The following FLI1 variants were observed in gnomAD, a reference collection of about 807,000 sequenced individuals.
FLI1 encodes Fli-1 proto-oncogene, ETS transcription factor, also known as Friend leukemia integration 1 transcription factor.
FLI1 carries 13 observed loss-of-function variants against 53.1 expected under a neutral mutation model. The observed-to-expected ratio is 0.24, with a 90% confidence interval of 0.16 to 0.39. The LOEUF is 0.39. Ranked by LOEUF, FLI1 falls within the 10% of genes least tolerant of loss-of-function variation. The pLI is 1.00. For synonymous variants in FLI1, 244 were observed against 236.7 expected (o/e 1.03, Z -0.28); for missense variants, 424 against 600.5 (o/e 0.71, Z 3.07).
chr11:128,788,280 G>A (rs1942160332), intron 5 of FLI1, among the ~76,000 whole-genome samples: 1 of 151,384 alleles, frequency 6.6e-6, no homozygotes, highest in Non-Finnish European at 1.5e-5. Flanking sequence ...GACCAGCTTG[G>A]CCAACATGGT....
At chr11:128,772,079 TAC>T (rs1476863217) in intron 3 of FLI1, among the ~76,000 whole-genome samples, 1 of 86,440 alleles carries the variant, frequency 1.2e-5, no homozygotes, top group Non-Finnish European at 2.5e-5. Flanking sequence ...CACACACACA[TAC>T]ACACACTGAG....
intron 1 of FLI1, among the ~76,000 whole-genome samples, chr11:128,732,413 A>T (rs1327953049): frequency 6.6e-6 from 1 of 152,240 alleles, no homozygotes; most frequent in Non-Finnish European, 1.5e-5. Context: ...TTCATGTGAC[A>T]AATAGTTTTG....
intron 4 of FLI1, among the ~76,000 whole-genome samples, chr11:128,780,603 A>G (rs935623892): frequency 6.6e-6 from 1 of 151,764 alleles, no homozygotes; most frequent in Non-Finnish European, 1.5e-5. Context: ...TTCAAAAAAA[A>G]TAAATAAATA....
At chr11:128,694,563 C>T (rs1476534339) in intron 1 of FLI1, among the ~76,000 whole-genome samples, 2 of 43,976 alleles carry the variant, frequency 4.5e-5, no homozygotes, top group African/African-American at 2.1e-4. Flanking sequence ...GAGGGGACGG[C>T]GGGAAACCGG....
At chr11:128,689,770 T>C (rs1937662865), upstream of FLI1, among the ~76,000 whole-genome samples, 1 of 152,224 alleles carries the variant, frequency 6.6e-6, no homozygotes, top group South Asian at 2.1e-4. Flanking sequence ...GCCTGCTCTC[T>C]CTGGTCAGGA....
chr11:128,748,251 G>T (rs1940491164), intron 1 of FLI1: 1 of 984,344 alleles, frequency 1.0e-6, no homozygotes, highest in African/African-American at 1.7e-5. Context: ...TCTTTCTCTG[G>T]GTCATCCACT....
At chr11:128,809,045 CT>C (rs1942863822) in intron 7 of FLI1, 111 bp from the exon 8 acceptor site, 2 of 782,836 alleles carry the variant, frequency 2.6e-6, no homozygotes, top group Admixed American at 5.6e-5. Context: ...TGAAATCAGT[CT>C]TTCCTGTGAT....
intron 1 of FLI1, among the ~76,000 whole-genome samples, chr11:128,739,667 G>A (rs1478072750): frequency 6.6e-6 from 1 of 151,976 alleles, no homozygotes; most frequent in African/African-American, 2.4e-5. Flanking sequence ...TTATTAGGGG[G>A]GAAAAATCCT....
At chr11:128,742,408 G>T (rs921841704) in intron 1 of FLI1, among the ~76,000 whole-genome samples, 1 of 152,146 alleles carries the variant, frequency 6.6e-6, no homozygotes, top group Non-Finnish European at 1.5e-5. Context: ...CTGTTTTATG[G>T]CCCCATTGTG....
intron 1 of FLI1, among the ~76,000 whole-genome samples, chr11:128,738,407 C>T (rs970935177): frequency 3.3e-5 from 5 of 152,214 alleles, no homozygotes; most frequent in East Asian, 1.9e-4. Flanking sequence ...ATGCAAAGCC[C>T]GAAGCCCTCT....
chr11:128,743,147 G>A (rs941573469), intron 1 of FLI1, among the ~76,000 whole-genome samples: 2 of 151,980 alleles, frequency 1.3e-5, no homozygotes, highest in Non-Finnish European at 2.9e-5. Flanking sequence ...TATCACTTTG[G>A]GAGGCCAAGG....
At position 128,810,319 on chromosome 11, in the gene FLI1, C is replaced by T; in HGVS notation, c.830-140C>T. ...CAAATCAACAATGACATAAGAAGGG[C>T]TTGTCAAGTCGATCCCAATGTCGAA... On this transcript the variant is annotated intron_variant, in intron 8 of 8. Coordinates refer to ENST00000527786, the MANE Select transcript of FLI1 (RefSeq NM_002017.5). The surrounding 1 kb of genome is among the most constrained non-coding windows in gnomAD (Gnocchi z 6.6). The T allele has an allele frequency of 1.3e-6, 1 of 796,458 alleles. No individual in the cohort carries two copies. The highest frequency in any genetic ancestry group is 1.9e-5 in the South Asian group (1 of 53,748). 49.3% of individuals were successfully genotyped at this position (796,458 alleles called of 1,614,324 possible). A position where few individuals can be genotyped will look rare whatever the true frequency, so the allele number is the denominator to read the frequency against.
intron 5 of FLI1, among the ~76,000 whole-genome samples, chr11:128,803,201 A>G (rs1259190476): frequency 2.0e-5 from 3 of 151,926 alleles, no homozygotes; most frequent in Admixed American, 2.0e-4. Context: ...CACTAGAATT[A>G]TCTCCTTCCC....
At chr11:128,805,317 C>T (rs1488405293) in intron 5 of FLI1, 49 bp from the exon 6 acceptor site, 2 of 1,165,482 alleles carry the variant, frequency 1.7e-6, no homozygotes, top group Non-Finnish European at 2.5e-6. Flanking sequence ...TGCAACTTTT[C>T]TGAGAAGCAG....
rs183408556 is a variant in FLI1 at position 128,764,769 on chromosome 11, C to A, written c.231-3349C>A. The stretch of plus-strand genomic sequence containing the variant: ...GGGCTTGCGCTGGCTGGAGGAGGCA[C>A]GGTGCTTGGGAGCTGCAAGAATGGA... On this transcript the variant is annotated intron_variant, in intron 2 of 8. Coordinates refer to ENST00000527786, the MANE Select transcript of FLI1 (RefSeq NM_002017.5). The A allele has an allele frequency of 9.3e-4, 1,484 of 1,591,144 alleles. 4 individuals are homozygous for A. In the African/African-American group the frequency reaches 0.011, roughly 12 times the overall value.
intron 1 of FLI1, among the ~76,000 whole-genome samples, chr11:128,753,223 C>G (rs1940723278): frequency 6.6e-6 from 1 of 152,172 alleles, no homozygotes; most frequent in South Asian, 2.1e-4. Flanking sequence ...CCAGGGGTTC[C>G]TTTTACAGAG....
chr11:128,806,965 T>C (rs1643051252), intron 6 of FLI1: 2 of 395,280 alleles, frequency 5.1e-6, no homozygotes, highest in African/African-American at 4.1e-5. Flanking sequence ...GAATGCGAGT[T>C]CTACCAGGAA....
At chr11:128,738,962 A>T (rs979622474) in intron 1 of FLI1, among the ~76,000 whole-genome samples, 5 of 152,200 alleles carry the variant, frequency 3.3e-5, no homozygotes, top group African/African-American at 1.2e-4. Flanking sequence ...ATCAGCAGCA[A>T]ATACTGCTTG....
In FLI1 at chr11:128,702,750, T is replaced by C. The variant is rs1248058013; in HGVS notation, c.18+8474T>C. ...GCTGGCGCATGCTTGTAGTCCCAGCTACTTGGGAGGCTGAGGCAGAAGAAT... is the reference window on the plus strand; with the variant it reads ...GCTGGCGCATGCTTGTAGTCCCAGCCACTTGGGAGGCTGAGGCAGAAGAAT... On this transcript the variant is annotated intron_variant, in intron 1 of 8. Transcript: ENST00000527786. 2.0e-5 allele frequency among the ~76,000 whole-genome samples: 3 copies of C among 152,018 alleles called. No individual in the cohort carries two copies. The East Asian group carries it at 5.8e-4, about 29-fold the overall frequency.
Sources: gnomAD v4.1 joint callset for allele counts (sites outside exome capture counted in the v4.1 genomes callset) on GRCh38, gnomAD v4.1.1 for gene constraint, Gnocchi (gnomAD v3.1) non-coding constraint, MANE v1.5 for transcripts, NCBI Gene and HGNC (gene_info 2026-07-23, HGNC 2026-07-21) for gene names.